The following LIX1 variants were observed in gnomAD, a reference collection of about 807,000 sequenced individuals.
LIX1 encodes the protein protein limb expression 1 homolog.
In LIX1, 24 loss-of-function variants were observed where a neutral mutation model predicts 33.4. The observed-to-expected ratio is 0.72, with a 90% CI of 0.52 to 1.01. The LOEUF is 1.01. Among genes scored for constraint, LIX1 ranks in the 50% least tolerant of loss-of-function variants. The pLI is 0.00. For missense variants in LIX1, 311 were observed against 339.2 expected, an observed-to-expected ratio of 0.92 and a Z score of 0.65; for synonymous variants, 124 against 124.0, an observed-to-expected ratio of 1.00 and a Z score of 0.00.
At chr5:97,134,312 G>A (rs921074998) in intron 1 of LIX1, among the ~76,000 whole-genome samples, 3 of 152,156 alleles carry the variant, frequency 2.0e-5, no homozygotes, top group Non-Finnish European at 2.9e-5. Context: ...TAGAGGTGGT[G>A]TTTTACCATG....
chr5:97,111,810 AC>A (rs1178672655), intron 2 of LIX1, among the ~76,000 whole-genome samples: 1 of 152,222 alleles, frequency 6.6e-6, no homozygotes, highest in East Asian at 1.9e-4. Flanking sequence ...ACCAAATGGC[AC>A]TGCTCGGGAG....
intron 2 of LIX1, among the ~76,000 whole-genome samples, chr5:97,121,193 T>G (rs1455282426): frequency 6.6e-6 from 1 of 152,174 alleles, no homozygotes; most frequent in Admixed American, 6.5e-5. Context: ...ACATATGCAG[T>G]ATCAAAAAAG....
intron 1 of LIX1, among the ~76,000 whole-genome samples, chr5:97,132,130 C>T (rs60229106): frequency 0.011 from 1,702 of 152,306 alleles, 24 homozygotes; most frequent in African/African-American, 0.039. Flanking sequence ...TGGAACAGAA[C>T]GCCATAATTA....
intron 1 of LIX1, among the ~76,000 whole-genome samples, chr5:97,129,401 A>T (rs1027859623): frequency 1.3e-5 from 2 of 148,984 alleles, no homozygotes; most frequent in African/African-American, 5.0e-5. Context: ...AACAAGATTT[A>T]AAAAAAAAAC....
In LIX1 at chr5:97,107,434, T is replaced by G. The variant is rs757487556; in HGVS notation, c.313A>C (p.Asn105His). 5 of 1,613,314 alleles carry G rather than the reference T, an allele frequency of 3.1e-6. No individual in the cohort carries two copies. The Admixed American group carries it at 8.3e-5, about 27-fold the overall frequency. Residue 105 changes from asparagine to histidine, a missense_variant, in exon 3 of 6, where the codon AAT becomes CAT. Asn to His is a moderately conservative substitution (Grantham distance 68). Coordinates refer to ENST00000274382, the MANE Select transcript of LIX1 (RefSeq NM_153234.5). ...GTGATCCTGCGAGAGGGCAGCTCAT[T>G]GAAGAGGGAGTTGATCAGGGCCACT... ...AKVALINSLF[N>H]ELPSRRITKE...
intron 2 of LIX1, among the ~76,000 whole-genome samples, chr5:97,112,092 A>G (rs754613085): frequency 3.9e-5 from 6 of 152,252 alleles, no homozygotes; most frequent in Non-Finnish European, 8.8e-5. Context: ...CAAAATGTCT[A>G]TAATGTTAAC....
At chr5:97,140,439 A>G (rs1429033112) in intron 1 of LIX1, among the ~76,000 whole-genome samples, 2 of 152,172 alleles carry the variant, frequency 1.3e-5, no homozygotes, top group Non-Finnish European at 2.9e-5. Context: ...AGCAGTGACT[A>G]GGAGGAGAGG....
intron 4 of LIX1, among the ~76,000 whole-genome samples, chr5:97,104,611 A>T (rs1203527524): frequency 2.6e-5 from 4 of 152,226 alleles, no homozygotes; most frequent in African/African-American, 9.6e-5. Context: ...GTCAGCTGTT[A>T]TTACTGCTGT....
At chr5:97,125,897 A>C (rs1747906002) in intron 1 of LIX1, among the ~76,000 whole-genome samples, 1 of 152,220 alleles carries the variant, frequency 6.6e-6, no homozygotes, top group Non-Finnish European at 1.5e-5. Context: ...GGAGGTAAGC[A>C]TGGTGCTGCC....
At chr5:97,138,085 T>C (rs1372018967) in intron 1 of LIX1, among the ~76,000 whole-genome samples, 1 of 152,220 alleles carries the variant, frequency 6.6e-6, no homozygotes, top group African/African-American at 2.4e-5. Flanking sequence ...AGAAAAATGT[T>C]CTCCCAAATG....
intron 2 of LIX1, among the ~76,000 whole-genome samples, chr5:97,117,988 G>A (rs1747680023): frequency 6.6e-6 from 1 of 151,680 alleles, no homozygotes; most frequent in African/African-American, 2.4e-5. Flanking sequence ...ACCTCATAGA[G>A]TGCTTGGCAC....
intron 1 of LIX1, among the ~76,000 whole-genome samples, chr5:97,128,438 ATCTTG>A (rs1206008950): frequency 1.3e-5 from 2 of 152,096 alleles, no homozygotes; most frequent in Admixed American, 6.6e-5. Context: ...TAGCATGGAA[ATCTTG>A]TCTTGTCTCC....
intron 4 of LIX1, among the ~76,000 whole-genome samples, chr5:97,097,167 G>A (rs1746424790): frequency 6.6e-6 from 1 of 152,148 alleles, no homozygotes. Flanking sequence ...ACACTGAAGA[G>A]TTCTACACAC....
chr5:97,141,375 C>G (rs114011061), intron 1 of LIX1, among the ~76,000 whole-genome samples: 3 of 152,160 alleles, frequency 2.0e-5, no homozygotes, highest in Non-Finnish European at 4.4e-5. Context: ...TGGCAAATGC[C>G]TAAAGACAAT....
At chr5:97,096,502 C>T (rs1746381836) in intron 5 of LIX1, among the ~76,000 whole-genome samples, 1 of 152,124 alleles carries the variant, frequency 6.6e-6, no homozygotes, top group Non-Finnish European at 1.5e-5. Flanking sequence ...TCCAAGGAGG[C>T]AGGGGAGGTG....
In LIX1 at chr5:97,137,920, G is replaced by A. The variant is rs865810865; in HGVS notation, c.82+4575C>T. On this transcript the variant is annotated intron_variant, in intron 1 of 5. Coordinates refer to ENST00000274382, the MANE Select transcript of LIX1 (RefSeq NM_153234.5). ...GGTGGATAAAGTACTTGACTCCTGAGGATTCTTGCTCTCTCATGCTGCATA... is the reference window on the plus strand; with the variant it reads ...GGTGGATAAAGTACTTGACTCCTGAAGATTCTTGCTCTCTCATGCTGCATA... 8.5e-5 allele frequency among the ~76,000 whole-genome samples: 13 copies of A among 152,238 alleles called. 1 individual carries two copies. Among genetic ancestry groups the A allele is most frequent in the East Asian group, 1.9e-4 (1 of 5,178 alleles).
At chr5:97,104,251 C>T (rs960219654) in intron 4 of LIX1, among the ~76,000 whole-genome samples, 6 of 152,114 alleles carry the variant, frequency 3.9e-5, no homozygotes, top group African/African-American at 1.2e-4. Flanking sequence ...CCTCTGATTG[C>T]TTCTTGGAAT....
At chr5:97,139,330 T>C (rs974429595) in intron 1 of LIX1, among the ~76,000 whole-genome samples, 1 of 152,236 alleles carries the variant, frequency 6.6e-6, no homozygotes, top group Non-Finnish European at 1.5e-5. Flanking sequence ...AGCTCAAAGA[T>C]GGCAGATAAA....
At chr5:97,106,435 T>C (rs1331959374) in intron 3 of LIX1, among the ~76,000 whole-genome samples, 1 of 152,262 alleles carries the variant, frequency 6.6e-6, no homozygotes, top group Non-Finnish European at 1.5e-5. Flanking sequence ...AGTCTGATAG[T>C]GTTTCCTTCA....
Sources: gnomAD v4.1 joint callset for allele counts (sites outside exome capture counted in the v4.1 genomes callset) on GRCh38, gnomAD v4.1.1 for gene constraint, MANE v1.5 for transcripts, NCBI Gene and HGNC (gene_info 2026-07-23, HGNC 2026-07-21) for gene names.